The following CDH18 variants were observed in gnomAD, a reference collection of about 807,000 sequenced individuals.
CDH18 encodes the protein cadherin 18.
In CDH18, 31 loss-of-function variants were observed where a neutral mutation model predicts 67.9. The observed-to-expected ratio is 0.46, with a 90% CI of 0.34 to 0.62. The LOEUF is 0.62. CDH18 is among the 20% of genes least tolerant of loss of function. CDH18 has a pLI of 0.01. For missense variants in CDH18, 890 were observed against 975.5 expected (o/e 0.91, Z 1.17); for synonymous variants, 362 against 347.2 (o/e 1.04, Z -0.48).
chr5:20,527,320 C>T (rs1377675389), intron 1 of CDH18, among the ~76,000 whole-genome samples: 6 of 151,892 alleles, frequency 4.0e-5, no homozygotes, highest in Non-Finnish European at 7.4e-5. Flanking sequence ...AAAATGGAAC[C>T]GAGATGGAAA....
At chr5:19,647,685 A>C (rs1267423667) in intron 5 of CDH18, among the ~76,000 whole-genome samples, 2 of 152,116 alleles carry the variant, frequency 1.3e-5, no homozygotes, top group Non-Finnish European at 1.5e-5. Flanking sequence ...CAGTAGAATC[A>C]GAGGGTCATT....
At chr5:20,469,575 T>C (rs1490832399) in intron 1 of CDH18, among the ~76,000 whole-genome samples, 2 of 152,142 alleles carry the variant, frequency 1.3e-5, no homozygotes, top group African/African-American at 4.8e-5. Context: ...TTGAGGATAC[T>C]TCTTGCTTTG....
intron 11 of CDH18, among the ~76,000 whole-genome samples, chr5:19,490,418 T>G (rs1741254928): frequency 7.6e-6 from 1 of 131,436 alleles, no homozygotes. Flanking sequence ...TTTTTTTTTT[T>G]TTTTTTTGAG....
At chr5:19,529,271 A>G (rs1291698795) in intron 9 of CDH18, among the ~76,000 whole-genome samples, 1 of 152,000 alleles carries the variant, frequency 6.6e-6, no homozygotes, top group East Asian at 1.9e-4. Flanking sequence ...AATAAAAGTT[A>G]ACAAATATGA....
chr5:20,246,947 T>C (rs899476141), intron 2 of CDH18, among the ~76,000 whole-genome samples: 18 of 152,286 alleles, frequency 1.2e-4, no homozygotes, highest in African/African-American at 4.3e-4. Context: ...CATCCCATGA[T>C]AGGTTAATCA....
intron 3 of CDH18, among the ~76,000 whole-genome samples, chr5:19,809,304 G>A (rs900326007): frequency 6.6e-6 from 1 of 152,034 alleles, no homozygotes; most frequent in South Asian, 2.1e-4. Flanking sequence ...CTAAGTACAC[G>A]CTCTAGGCAC....
chr5:20,129,375 T>C (rs1183978649), intron 2 of CDH18, among the ~76,000 whole-genome samples: 31 of 152,234 alleles, frequency 2.0e-4, no homozygotes, highest in Non-Finnish European at 2.9e-5. Context: ...TTACACAATT[T>C]GCTTTTTATC....
rs375279995 is a variant in CDH18 at position 20,103,491 on chromosome 5, C to A, written c.-517-111477G>T. On this transcript the variant is annotated intron_variant, in intron 2 of 14. Transcript: ENST00000507958. The stretch of plus-strand genomic sequence containing the variant: ...CTGTAATCCCAGCACTTTGGGAGAC[C>A]GAGGCAGGGAGATCACGAGGTCAGG... Among the ~76,000 whole-genome samples, 100 of 149,944 alleles carry A rather than the reference C, an allele frequency of 6.7e-4. 1 individual carries two copies. The South Asian group carries it at 0.018, about 27-fold the overall frequency.
Position 20,450,913 on chromosome 5 carries a change from C to T in CDH18, c.-580+124549G>A, listed in dbSNP as rs1345246404. 2.0e-5 allele frequency among the ~76,000 whole-genome samples: 3 copies of T among 152,146 alleles called. No individual in the cohort carries two copies. The East Asian group carries it at 5.8e-4, about 29-fold the overall frequency. ...CCGAGCAAAGTCACGTCTTACATGG[C>T]AGCAGGCAAGAGAGCATGTGCAGGA... On this transcript the variant is annotated intron_variant, in intron 1 of 14. Transcript: ENST00000507958.
intron 2 of CDH18, among the ~76,000 whole-genome samples, chr5:20,143,037 T>C (rs1334780925): frequency 6.6e-6 from 1 of 152,146 alleles, no homozygotes; most frequent in Non-Finnish European, 1.5e-5. Context: ...TTGAGATGCA[T>C]GATTTGAAAA....
At chr5:19,616,474 G>C (rs1749860357) in intron 5 of CDH18, among the ~76,000 whole-genome samples, 1 of 152,104 alleles carries the variant, frequency 6.6e-6, no homozygotes, top group African/African-American at 2.4e-5. Context: ...CCTTGTCCTA[G>C]CTTAACTATT....
chr5:19,586,472 T>A (rs999491105), intron 7 of CDH18, among the ~76,000 whole-genome samples: 3 of 152,170 alleles, frequency 2.0e-5, no homozygotes, highest in Admixed American at 2.0e-4. Context: ...GGTTTTCTGT[T>A]CCCGCATTAG....
chr5:19,862,112 C>T (rs573933967), intron 2 of CDH18, among the ~76,000 whole-genome samples: 2 of 152,020 alleles, frequency 1.3e-5, no homozygotes, highest in East Asian at 3.9e-4. Flanking sequence ...GAAGAACATG[C>T]CCATGGAGGA....
chr5:20,414,048 G>A (rs1747052739), intron 1 of CDH18, among the ~76,000 whole-genome samples: 1 of 152,106 alleles, frequency 6.6e-6, no homozygotes, highest in Non-Finnish European at 1.5e-5. Context: ...AACAACATAT[G>A]TTGGCAAGGA....
At chr5:20,145,860 A>G (rs1023968351) in intron 2 of CDH18, among the ~76,000 whole-genome samples, 3 of 152,164 alleles carry the variant, frequency 2.0e-5, no homozygotes, top group Admixed American at 1.3e-4. Flanking sequence ...TATAACTACA[A>G]TTATATCACC....
chr5:20,056,460 C>CTTTTTTTTTTTTTTTTTTTTT, intron 2 of CDH18, among the ~76,000 whole-genome samples: 1 of 18,646 alleles, frequency 5.4e-5, no homozygotes, highest in Non-Finnish European at 1.3e-4. Context: ...TATTATTTTT[C>CTTTTTTTTTTTTTTTTTTTTT]TTTATTTTCT....
At chr5:20,574,627 C>T (rs1232584116) in intron 1 of CDH18, among the ~76,000 whole-genome samples, 1 of 152,044 alleles carries the variant, frequency 6.6e-6, no homozygotes, top group Non-Finnish European at 1.5e-5. Context: ...TACATCAGGA[C>T]TGCATTGCCC....
At chr5:20,565,195 G>T (rs967845839) in intron 1 of CDH18, among the ~76,000 whole-genome samples, 6 of 152,134 alleles carry the variant, frequency 3.9e-5, no homozygotes, top group Non-Finnish European at 7.3e-5. Context: ...TCAGATATAT[G>T]TGAACTGGCC....
At chr5:20,330,512 T>C (rs904179775) in intron 1 of CDH18, among the ~76,000 whole-genome samples, 5 of 152,188 alleles carry the variant, frequency 3.3e-5, no homozygotes, top group South Asian at 4.1e-4. Flanking sequence ...ATAAGATCTC[T>C]GGAGTTAGGC....
Sources: gnomAD v4.1 joint callset for allele counts (sites outside exome capture counted in the v4.1 genomes callset) on GRCh38, gnomAD v4.1.1 for gene constraint, MANE v1.5 for transcripts, NCBI Gene and HGNC (gene_info 2026-07-23, HGNC 2026-07-21) for gene names.